QSOX1: variants seen among roughly 807,000 people sequenced by gnomAD.
QSOX1 encodes the protein sulfhydryl oxidase 1.
A neutral mutation model predicts 76.1 loss-of-function variants in QSOX1; 40 were observed. The ratio of observed to expected loss-of-function variants is 0.53; its 90% CI spans 0.41 to 0.68. The LOEUF (loss-of-function observed/expected upper bound fraction) is 0.68, where lower values mean the gene tolerates loss of function less well. QSOX1 is among the 30% of genes least tolerant of loss of function. QSOX1 has a pLI of 0.00. For missense variants in QSOX1, 931 were observed against 974.3 expected (o/e 0.96, Z 0.59); for synonymous variants, 392 against 413.1 (o/e 0.95, Z 0.62).
chr1:180,185,515 G>A (rs893949569), intron 7 of QSOX1, among the ~76,000 whole-genome samples: 3 of 152,224 alleles, frequency 2.0e-5, no homozygotes, highest in Non-Finnish European at 4.4e-5. Context: ...GCAGCTGTGA[G>A]CACATCAGCC....
chr1:180,193,740 G>C (rs1049808390), intron 10 of QSOX1, among the ~76,000 whole-genome samples: 1 of 152,094 alleles, frequency 6.6e-6, no homozygotes, highest in Non-Finnish European at 1.5e-5. Context: ...AGGAGAGATG[G>C]AGACAGATTA....
intron 2 of QSOX1, among the ~76,000 whole-genome samples, chr1:180,167,359 A>G (rs1662654101): frequency 6.6e-6 from 1 of 152,208 alleles, no homozygotes; most frequent in African/African-American, 2.4e-5. Context: ...CCAGAATGGC[A>G]TCTAGAAAAC....
intron 2 of QSOX1, among the ~76,000 whole-genome samples, chr1:180,167,305 C>T (rs1444152606): frequency 6.6e-6 from 1 of 152,242 alleles, no homozygotes; most frequent in Non-Finnish European, 1.5e-5. Context: ...AAATTCAAAT[C>T]TCTGTCTCTG....
intron 1 of QSOX1, among the ~76,000 whole-genome samples, chr1:180,157,386 G>A (rs910250445): frequency 2.0e-4 from 31 of 152,334 alleles, no homozygotes; most frequent in African/African-American, 6.7e-4. Context: ...GGTTGGTCTC[G>A]CTTCATCTCT....
chr1:180,178,576 C>T (rs1662953588), intron 4 of QSOX1, among the ~76,000 whole-genome samples: 1 of 152,206 alleles, frequency 6.6e-6, no homozygotes, highest in African/African-American at 2.4e-5. Flanking sequence ...AAACCAAGCA[C>T]CCAAGGTAGG....
At chr1:180,174,394 A>G (rs549228870) in intron 2 of QSOX1, among the ~76,000 whole-genome samples, 1 of 152,232 alleles carries the variant, frequency 6.6e-6, no homozygotes, top group Non-Finnish European at 1.5e-5. Flanking sequence ...TAAATCAGCT[A>G]GTCTGTAGCA....
chr1:180,163,590 A>G (rs930442238), intron 1 of QSOX1, among the ~76,000 whole-genome samples: 4 of 152,340 alleles, frequency 2.6e-5, no homozygotes, highest in Admixed American at 6.5e-5. Context: ...GCCAAAGCAT[A>G]TATACTTTAG....
intron 2 of QSOX1, 28 bp downstream of exon 2, chr1:180,166,619 G>A: frequency 6.3e-7 from 1 of 1,594,662 alleles, no homozygotes; most frequent in Non-Finnish European, 8.6e-7. Context: ...GGGGAAGGCA[G>A]GCTGGGCCTG....
chr1:180,190,168 A>G (rs147539849), intron 9 of QSOX1, among the ~76,000 whole-genome samples: 58 of 152,306 alleles, frequency 3.8e-4, no homozygotes, highest in Middle Eastern at 3.4e-3. Context: ...TAGGGTGTCA[A>G]ATCTCGAAGG....
intron 4 of QSOX1, among the ~76,000 whole-genome samples, chr1:180,176,510 G>T (rs1258783126): frequency 6.6e-6 from 1 of 152,178 alleles, no homozygotes; most frequent in African/African-American, 2.4e-5. Flanking sequence ...TCATGCCTGG[G>T]GCATGGGGGT....
At chr1:180,156,844 C>T (rs1007895951) in intron 1 of QSOX1, among the ~76,000 whole-genome samples, 3 of 152,146 alleles carry the variant, frequency 2.0e-5, no homozygotes, top group Non-Finnish European at 4.4e-5. Context: ...ACATTGTGGG[C>T]ATGAACATCA....
intron 5 of QSOX1, among the ~76,000 whole-genome samples, chr1:180,180,296 C>T (rs1257900582): frequency 2.0e-5 from 3 of 152,172 alleles, no homozygotes; most frequent in Non-Finnish European, 4.4e-5. Flanking sequence ...CTGCAACCTC[C>T]ACCTCCCAGG....
At chr1:180,193,827 G>T (rs1663386425) in intron 10 of QSOX1, among the ~76,000 whole-genome samples, 1 of 152,158 alleles carries the variant, frequency 6.6e-6, no homozygotes, top group African/African-American at 2.4e-5. Context: ...GGCAGCATGA[G>T]TGGGCAGGGG....
chr1:180,188,481 G>A (rs1196193526), intron 8 of QSOX1, among the ~76,000 whole-genome samples: 1 of 152,260 alleles, frequency 6.6e-6, no homozygotes, highest in African/African-American at 2.4e-5. Context: ...TCAGGATGAT[G>A]GCAAAGGTCA....
At position 180,200,844 on chromosome 1, in the gene QSOX1, T is replaced by A. The variant is rs1663622152; in HGVS notation, c.*3807T>A. The A allele has an allele frequency of 6.6e-6, 1 of 152,226 alleles. No individual in the cohort carries two copies. Among genetic ancestry groups the A allele is most frequent in the Admixed American group, 6.5e-5 (1 of 15,282 alleles). 9.4% of individuals were successfully genotyped at this position (152,226 alleles called of 1,614,324 possible). On this transcript the variant is annotated 3_prime_UTR_variant, in exon 12 of 12. Coordinates refer to ENST00000367602, the MANE Select transcript of QSOX1 (RefSeq NM_002826.5). ...TCATGTCCTGTTCCATCGGTAGAGT[T>A]ACACACTTTCCTGAGACTTTATATG... is the stretch of plus-strand genomic sequence containing the variant.
At chr1:180,170,305 G>A (rs1470652977) in intron 2 of QSOX1, among the ~76,000 whole-genome samples, 1 of 152,212 alleles carries the variant, frequency 6.6e-6, no homozygotes, top group African/African-American at 2.4e-5. Context: ...GTCAGCTGCT[G>A]TTTTTGAGGT....
intron 1 of QSOX1, among the ~76,000 whole-genome samples, chr1:180,156,595 A>G (rs927371382): frequency 6.6e-6 from 1 of 152,198 alleles, no homozygotes; most frequent in African/African-American, 2.4e-5. Flanking sequence ...TCTTTTAGCC[A>G]TATGGTCCTG....
At chr1:180,171,412 TGA>T (rs1406545388) in intron 2 of QSOX1, among the ~76,000 whole-genome samples, 1 of 145,494 alleles carries the variant, frequency 6.9e-6, no homozygotes, top group Non-Finnish European at 1.5e-5. Flanking sequence ...CAAAGCAGGT[TGA>T]GAGAGGGGTG....
chr1:180,169,200 C>CT (rs1209579931), intron 2 of QSOX1, among the ~76,000 whole-genome samples: 2 of 152,230 alleles, frequency 1.3e-5, no homozygotes, highest in Non-Finnish European at 2.9e-5. Flanking sequence ...GAGGGAGGGG[C>CT]TGGTTGGCTG....
Sources: gnomAD v4.1 joint callset for allele counts (sites outside exome capture counted in the v4.1 genomes callset) on GRCh38, gnomAD v4.1.1 for gene constraint, MANE v1.5 for transcripts, NCBI Gene and HGNC (gene_info 2026-07-23, HGNC 2026-07-21) for gene names.